Variants in P4HA3 observed in about 807,000 individuals in gnomAD.
P4HA3 encodes prolyl 4-hydroxylase subunit alpha 3, also known as prolyl 4-hydroxylase subunit alpha-3.
A neutral mutation model predicts 66.7 loss-of-function variants in P4HA3; 60 were observed. That is an observed-to-expected ratio of 0.90 (90% CI 0.73 to 1.12). P4HA3 has a LOEUF of 1.12. Ranked by LOEUF, P4HA3 falls within the 50% of genes most tolerant of loss-of-function variation. The pLI is 0.00. For missense variants in P4HA3, 683 were observed against 685.8 expected (o/e 1.00, Z 0.05); for synonymous variants, 263 against 274.6 (o/e 0.96, Z 0.42).
intron 7 of P4HA3, among the ~76,000 whole-genome samples, chr11:74,282,942 G>A (rs488893): frequency 1 from 152,188 of 152,368 alleles, 76,005 homozygotes; most frequent in Middle Eastern, 1. Flanking sequence ...AGCGGGCCCA[G>A]CGAAGGTGCA....
At chr11:74,291,682 T>C (rs1487787693) in intron 4 of P4HA3, among the ~76,000 whole-genome samples, 1 of 152,252 alleles carries the variant, frequency 6.6e-6, no homozygotes, top group Admixed American at 6.5e-5. Flanking sequence ...CAAAGGACTT[T>C]TCTGCATCTA....
intron 15 of P4HA3, among the ~76,000 whole-genome samples, chr11:74,258,018 T>C (rs1859854974): frequency 6.6e-6 from 1 of 152,154 alleles, no homozygotes; most frequent in African/African-American, 2.4e-5. Flanking sequence ...GAAGAGAGCC[T>C]ACACTAGCAG....
intron 4 of P4HA3, among the ~76,000 whole-genome samples, chr11:74,290,899 T>C (rs1355176151): frequency 6.6e-6 from 1 of 152,230 alleles, no homozygotes; most frequent in East Asian, 1.9e-4. Context: ...GCTTTGTTCT[T>C]TTGGCTTAGG....
At chr11:74,307,679 CT>C (rs2134834906) in intron 1 of P4HA3, among the ~76,000 whole-genome samples, 1 of 152,280 alleles carries the variant, frequency 6.6e-6, no homozygotes, top group South Asian at 2.1e-4. Context: ...TCCTAAATGT[CT>C]TTTTGCTTTA....
chr11:74,257,332 C>T (rs1429572268), intron 15 of P4HA3, among the ~76,000 whole-genome samples: 2 of 152,194 alleles, frequency 1.3e-5, no homozygotes, highest in Admixed American at 1.3e-4. Context: ...GCCATGTTGG[C>T]CAGGCTAGTC....
At chr11:74,266,135 G>C (rs1307853256), downstream of P4HA3, among the ~76,000 whole-genome samples, 2 of 152,082 alleles carry the variant, frequency 1.3e-5, no homozygotes, top group Non-Finnish European at 2.9e-5. Context: ...GTGGTGATGG[G>C]CATGGTGGTG....
intron 4 of P4HA3, among the ~76,000 whole-genome samples, chr11:74,295,113 G>A (rs1416638656): frequency 1.3e-5 from 2 of 152,152 alleles, no homozygotes; most frequent in African/African-American, 2.4e-5. Context: ...TAATTGCGGG[G>A]CGTTGTTGTT....
At chr11:74,288,228 G>T (rs546316147) in intron 5 of P4HA3, among the ~76,000 whole-genome samples, 135 of 152,268 alleles carry the variant, frequency 8.9e-4, no homozygotes, top group African/African-American at 3.1e-3. Flanking sequence ...TTTATTGTCA[G>T]CAAGAGACTC....
At chr11:74,292,262 G>A (rs1861055851) in intron 4 of P4HA3, among the ~76,000 whole-genome samples, 1 of 152,170 alleles carries the variant, frequency 6.6e-6, no homozygotes, top group Admixed American at 6.5e-5. Flanking sequence ...TCTGATGGTA[G>A]TTTGTATTTC....
chr11:74,296,926 C>T (rs932499799), intron 4 of P4HA3, among the ~76,000 whole-genome samples: 10 of 132,692 alleles, frequency 7.5e-5, no homozygotes, highest in Admixed American at 2.3e-4. Context: ...TTTTTTTTTT[C>T]TTTTTTTCTT....
chr11:74,308,675 T>C (rs1861642498), intron 1 of P4HA3, among the ~76,000 whole-genome samples: 2 of 152,262 alleles, frequency 1.3e-5, no homozygotes, highest in South Asian at 4.1e-4. Flanking sequence ...TGAGAACTTT[T>C]CTGATTTGTT....
intron 1 of P4HA3, among the ~76,000 whole-genome samples, chr11:74,308,580 G>A (rs552140621): frequency 6.6e-6 from 1 of 152,258 alleles, no homozygotes; most frequent in African/African-American, 2.4e-5. Flanking sequence ...GCAGTCACTA[G>A]AGAACAGAAT....
downstream of P4HA3, among the ~76,000 whole-genome samples, chr11:74,263,646 T>A (rs1227123033): frequency 1.3e-5 from 2 of 152,194 alleles, no homozygotes; most frequent in Non-Finnish European, 2.9e-5. Flanking sequence ...AGGAGACAAA[T>A]ACACCTAAGT....
chr11:74,259,287 G>T (rs1361104427), intron 15 of P4HA3, among the ~76,000 whole-genome samples: 1 of 152,176 alleles, frequency 6.6e-6, no homozygotes, highest in Non-Finnish European at 1.5e-5. Context: ...GCTGACGCAG[G>T]AGAATTGCTT....
chr11:74,275,403 A>T (rs1019793265), intron 9 of P4HA3, among the ~76,000 whole-genome samples: 1 of 152,218 alleles, frequency 6.6e-6, no homozygotes, highest in Non-Finnish European at 1.5e-5. Context: ...TAGATATTAA[A>T]TTGTTCCAAT....
Position 74,302,399 on chromosome 11 carries a change from G to A in P4HA3, c.537C>T (p.Leu179=), listed in dbSNP as rs780562034. Reference sequence around the variant, plus strand: ...CAACTTGGAAGCAGTCATCCCCTGTGAGAGAAAAGAGCCGTTTGGGGCTGT... The same window carrying A: ...CAACTTGGAAGCAGTCATCCCCTGTAAGAGAAAAGAGCCGTTTGGGGCTGT... ...DLYSPKRLFS[L]TGDDCFQVGK... Residue 179 remains leucine, a synonymous_variant, in exon 3 of 13, where the codon CTC becomes CTT. Coordinates refer to ENST00000331597, the MANE Select transcript of P4HA3 (RefSeq NM_182904.5). The A allele has an allele frequency of 6.2e-7, 1 of 1,613,846 alleles. No individual in the cohort carries two copies. Among genetic ancestry groups the A allele is most frequent in the South Asian group, 1.1e-5 (1 of 91,012 alleles).
rs2134848399 is a variant in P4HA3 at position 74,311,632 on chromosome 11, C to T, written c.-21G>A. On this transcript the variant is annotated 5_prime_UTR_variant, in exon 1 of 13. Coordinates refer to ENST00000331597, the MANE Select transcript of P4HA3 (RefSeq NM_182904.5). ...CCCATAGCCAGCGCTCGCGAACTTC[C>T]CCTCAGACAGTCCTGGCCGCGCGGC... The T allele has an allele frequency of 6.8e-7, 1 of 1,473,076 alleles. No homozygotes were observed. The highest frequency in any genetic ancestry group is 1.3e-5 in the South Asian group (1 of 74,634). 91.3% of individuals were successfully genotyped at this position (1,473,076 alleles called of 1,614,324 possible). A position where few individuals can be genotyped will look rare whatever the true frequency, so the allele number is the denominator to read the frequency against.
chr11:74,285,500 G>T (rs760383265), intron 7 of P4HA3: 12 of 256,374 alleles, frequency 4.7e-5, no homozygotes, highest in Non-Finnish European at 9.0e-5. Flanking sequence ...CAGGTCTCAA[G>T]TGGACCATTT....
At chr11:74,286,201 C>G (rs199945777) in intron 6 of P4HA3, 27 bp downstream of exon 6, 57 of 1,606,970 alleles carry the variant, frequency 3.5e-5, no homozygotes, top group Non-Finnish European at 4.8e-5. Context: ...GGCCTCTCCC[C>G]CTTTCTCTTT....
Sources: gnomAD v4.1 joint callset for allele counts (sites outside exome capture counted in the v4.1 genomes callset) on GRCh38, gnomAD v4.1.1 for gene constraint, MANE v1.5 for transcripts, NCBI Gene and HGNC (gene_info 2026-07-23, HGNC 2026-07-21) for gene names.